MAGI2: variants seen among roughly 807,000 people sequenced by gnomAD.
MAGI2 encodes membrane-associated guanylate kinase, WW and PDZ domain-containing protein 2.
A neutral mutation model predicts 133.3 loss-of-function variants in MAGI2; 35 were observed. That is an observed-to-expected ratio of 0.26 (90% confidence interval 0.20 to 0.35). The LOEUF (loss-of-function observed/expected upper bound fraction) is 0.35. Among genes scored for constraint, MAGI2 ranks in the 10% least tolerant of loss-of-function variants. The pLI, the probability that MAGI2 is intolerant of heterozygous loss-of-function variation, is 1.00. For synonymous variants in MAGI2, 729 were observed against 710.6 expected, an observed-to-expected ratio of 1.03 and a Z score of -0.41; for missense variants, 1,636 against 1,863.4, an observed-to-expected ratio of 0.88 and a Z score of 2.25.
chr7:79,289,299 A>G (rs1033128443), intron 1 of MAGI2, among the ~76,000 whole-genome samples: 4 of 152,188 alleles, frequency 2.6e-5, no homozygotes, highest in Admixed American at 2.0e-4. Flanking sequence ...ATGAATTAAT[A>G]TCACCACTAA....
intron 6 of MAGI2, among the ~76,000 whole-genome samples, chr7:78,439,263 G>C (rs1787362088): frequency 6.6e-6 from 1 of 152,126 alleles, no homozygotes; most frequent in Non-Finnish European, 1.5e-5. Flanking sequence ...ATCATTTATT[G>C]AGCACTCAGG....
chr7:79,390,317 C>T (rs1416165425), intron 1 of MAGI2, among the ~76,000 whole-genome samples: 1 of 152,134 alleles, frequency 6.6e-6, no homozygotes, highest in Non-Finnish European at 1.5e-5. Flanking sequence ...GAAGACAAGA[C>T]AACTCTGTAT....
chr7:79,348,776 A>G (rs1457922323), intron 1 of MAGI2, among the ~76,000 whole-genome samples: 1 of 151,844 alleles, frequency 6.6e-6, no homozygotes, highest in Non-Finnish European at 1.5e-5. Context: ...TCTTTCCAGA[A>G]GCAAAATATT....
chr7:79,217,718 T>A (rs1015213607), intron 1 of MAGI2, among the ~76,000 whole-genome samples: 3 of 152,038 alleles, frequency 2.0e-5, no homozygotes, highest in African/African-American at 7.3e-5. Context: ...TATAATACAT[T>A]GAGCAAATTA....
chr7:78,120,595 T>C (rs1014169212), intron 20 of MAGI2, among the ~76,000 whole-genome samples: 2 of 152,062 alleles, frequency 1.3e-5, no homozygotes, highest in African/African-American at 4.8e-5. Context: ...AATAGACTAG[T>C]AGAACAGTAT....
intron 3 of MAGI2, among the ~76,000 whole-genome samples, chr7:78,525,503 A>G (rs541144466): frequency 6.6e-6 from 1 of 152,336 alleles, no homozygotes; most frequent in Admixed American, 6.5e-5. Flanking sequence ...TCAGAAAAAA[A>G]TAAATATCAA....
chr7:78,961,437 T>A (rs1458714785), intron 2 of MAGI2, among the ~76,000 whole-genome samples: 2 of 152,112 alleles, frequency 1.3e-5, no homozygotes, highest in African/African-American at 4.8e-5. Flanking sequence ...CTCCTTTGGC[T>A]CTTACTGGAT....
intron 1 of MAGI2, among the ~76,000 whole-genome samples, chr7:79,331,915 G>A (rs6943765): frequency 0.022 from 3,248 of 150,302 alleles, 132 homozygotes; most frequent in African/African-American, 0.075. Context: ...CCTGCACAAT[G>A]TGCACATGTA....
chr7:78,264,370 T>C (rs1366398259), intron 9 of MAGI2, among the ~76,000 whole-genome samples: 2 of 152,188 alleles, frequency 1.3e-5, no homozygotes, highest in African/African-American at 2.4e-5. Context: ...AGTTGAGGAC[T>C]CTTTTGTGTC....
At chr7:78,323,521 T>C (rs1334587727) in intron 9 of MAGI2, among the ~76,000 whole-genome samples, 1 of 152,214 alleles carries the variant, frequency 6.6e-6, no homozygotes, top group Non-Finnish European at 1.5e-5. Context: ...GGAGATAGTT[T>C]GGAATTAGAA....
Position 78,649,236 on chromosome 7 carries a change from G to GAAAAAAAAAAAAAAAGA in MAGI2, c.419-21998_419-21997insTCTTTTTTTTTTTTTTT, listed in dbSNP as rs3085451. Among the ~76,000 whole-genome samples the GAAAAAAAAAAAAAAAGA allele has an allele frequency of 5.7e-5, 5 of 88,188 alleles. 1 individual carries two copies. Among genetic ancestry groups the GAAAAAAAAAAAAAAAGA allele is most frequent in the African/African-American group, 2.4e-4 (5 of 21,014 alleles). 57.9% of individuals were successfully genotyped at this position (88,188 alleles called of 152,430 possible). Reference sequence around the variant, plus strand: ...ATGACTTGTGGTAAAAAAAAAAAAAGAAAAAAAAAGAAAAAAAGTAATGAC... The same window carrying GAAAAAAAAAAAAAAAGA: ...ATGACTTGTGGTAAAAAAAAAAAAAGAAAAAAAAAAAAAAAGAAAAAAAAAAGAAAAAAAGTAATGAC... On this transcript the variant is annotated intron_variant, in intron 2 of 21. Coordinates refer to ENST00000354212, the MANE Select transcript of MAGI2 (RefSeq NM_012301.4).
At chr7:78,129,022 G>A (rs574068056) in intron 18 of MAGI2, among the ~76,000 whole-genome samples, 1 of 152,316 alleles carries the variant, frequency 6.6e-6, no homozygotes, top group East Asian at 1.9e-4. Context: ...TAGCTTGTTT[G>A]GTGGTTTGGA....
intron 2 of MAGI2, among the ~76,000 whole-genome samples, chr7:78,643,863 C>T (rs1430823885): frequency 1.4e-4 from 21 of 151,924 alleles, no homozygotes; most frequent in Admixed American, 1.3e-3. Flanking sequence ...GCAACATCTA[C>T]ACACACACCC....
intron 2 of MAGI2, among the ~76,000 whole-genome samples, chr7:78,804,748 C>CAAAAAAAAA (rs373472835): frequency 4.1e-5 from 4 of 97,732 alleles, no homozygotes; most frequent in African/African-American, 1.4e-4. Flanking sequence ...GACTCTGTCT[C>CAAAAAAAAA]AAAAAAAAAA....
At chr7:78,483,680 ACTT>A (rs1792665637) in intron 6 of MAGI2, among the ~76,000 whole-genome samples, 1 of 152,000 alleles carries the variant, frequency 6.6e-6, no homozygotes, top group African/African-American at 2.4e-5. Context: ...ATTTCTGAGT[ACTT>A]CTGACCCGAA....
intron 2 of MAGI2, among the ~76,000 whole-genome samples, chr7:78,948,872 C>T (rs1801645832): frequency 6.6e-6 from 1 of 152,002 alleles, no homozygotes; most frequent in South Asian, 2.1e-4. Context: ...ATAAGTACCC[C>T]AGTTTCTCCT....
At chr7:79,361,975 A>G (rs1001619097) in intron 1 of MAGI2, among the ~76,000 whole-genome samples, 3 of 152,108 alleles carry the variant, frequency 2.0e-5, no homozygotes, top group African/African-American at 7.2e-5. Flanking sequence ...TATGGAAATG[A>G]GGAAAAGTCT....
At chr7:78,032,389 A>AT (rs1221791737) in intron 21 of MAGI2, among the ~76,000 whole-genome samples, 1 of 151,968 alleles carries the variant, frequency 6.6e-6, no homozygotes, top group East Asian at 1.9e-4. Context: ...TAGCTTCTGT[A>AT]TTTTTTGTAG....
chr7:78,238,252 C>T (rs1232784777), intron 10 of MAGI2, among the ~76,000 whole-genome samples: 1 of 152,124 alleles, frequency 6.6e-6, no homozygotes. Context: ...TCCCCACATA[C>T]CAGCCATCTC....
Sources: gnomAD v4.1 joint callset for allele counts (sites outside exome capture counted in the v4.1 genomes callset) on GRCh38, gnomAD v4.1.1 for gene constraint, MANE v1.5 for transcripts, NCBI Gene and HGNC (gene_info 2026-07-23, HGNC 2026-07-21) for gene names.